Variants in GALK2 observed in about 807,000 individuals in gnomAD.
The protein encoded by GALK2 is N-acetylgalactosamine kinase.
In GALK2, 36 loss-of-function variants were observed where a neutral mutation model predicts 52.4. That is an observed-to-expected ratio of 0.69 (90% confidence interval 0.53 to 0.91). The LOEUF (loss-of-function observed/expected upper bound fraction) is 0.91. Among genes scored for constraint, GALK2 ranks in the 40% least tolerant of loss-of-function variants. The pLI, the probability that GALK2 is intolerant of heterozygous loss-of-function variation, is 0.00. For synonymous variants in GALK2, 176 were observed against 199.1 expected (o/e 0.88, Z 0.98); for missense variants, 579 against 559.1 (o/e 1.04, Z -0.36).
At chr15:49,238,896 C>T (rs2090960967) in intron 4 of GALK2, among the ~76,000 whole-genome samples, 1 of 151,976 alleles carries the variant, frequency 6.6e-6, no homozygotes, top group South Asian at 2.1e-4. Flanking sequence ...TATATTTTTT[C>T]CATATTTGTT....
chr15:49,308,640 C>T (rs1218305167), intron 8 of GALK2, among the ~76,000 whole-genome samples: 2 of 152,132 alleles, frequency 1.3e-5, no homozygotes, highest in African/African-American at 4.8e-5. Flanking sequence ...GAGAAACTCG[C>T]TGCATAAAGA....
intron 3 of GALK2, among the ~76,000 whole-genome samples, chr15:49,360,859 A>T (rs909696596): frequency 1.3e-5 from 2 of 152,032 alleles, no homozygotes; most frequent in African/African-American, 2.4e-5. Context: ...AGACATAAGC[A>T]CTCCTGTGAT....
At chr15:49,248,402 C>T (rs1457759166) in intron 5 of GALK2, among the ~76,000 whole-genome samples, 1 of 152,132 alleles carries the variant, frequency 6.6e-6, no homozygotes, top group Non-Finnish European at 1.5e-5. Flanking sequence ...ACCATTCCAG[C>T]CAGATGTTGA....
At chr15:49,282,126 G>A in intron 6 of GALK2, 41 bp downstream of exon 6, 4 of 1,481,458 alleles carry the variant, frequency 2.7e-6, no homozygotes, top group Non-Finnish European at 3.8e-6. Flanking sequence ...GAAATTCCTA[G>A]TGGGAAAATT....
In GALK2 at chr15:49,329,309, A is replaced by C; in HGVS notation, c.*1150A>C. ...ACTGGCTTTCTCTTGTGGATGGACT[A>C]TAGGAAGCACTTTCTGAATTATGTA... On this transcript the variant is annotated 3_prime_UTR_variant, in exon 10 of 10. Coordinates refer to ENST00000560031, the MANE Select transcript of GALK2 (RefSeq NM_002044.4). 1 of 985,472 alleles carries C rather than the reference A, an allele frequency of 1.0e-6. No homozygotes were observed. Among genetic ancestry groups the C allele is most frequent in the Non-Finnish European group, 1.2e-6 (1 of 829,942 alleles). 61.0% of individuals were successfully genotyped at this position (985,472 alleles called of 1,614,324 possible). A position where few individuals can be genotyped will look rare whatever the true frequency, so the allele number is the denominator to read the frequency against.
At chr15:49,305,530 G>A (rs2035478059) in intron 8 of GALK2, among the ~76,000 whole-genome samples, 1 of 152,174 alleles carries the variant, frequency 6.6e-6, no homozygotes, top group Non-Finnish European at 1.5e-5. Context: ...AAGGGCCACT[G>A]ATGGAACAGT....
chr15:49,156,108 G>C, intron 1 of GALK2: 1 of 1,229,834 alleles, frequency 8.1e-7, no homozygotes, highest in Non-Finnish European at 1.2e-6. Flanking sequence ...CAGCAACACA[G>C]TTTACACTTA....
intron 5 of GALK2, among the ~76,000 whole-genome samples, chr15:49,274,254 AGTC>A (rs745653513): frequency 1.3e-5 from 2 of 152,330 alleles, no homozygotes; most frequent in Non-Finnish European, 2.9e-5. Context: ...CTACACACCT[AGTC>A]TATATGGTAC....
intron 5 of GALK2, among the ~76,000 whole-genome samples, chr15:49,278,739 C>T: frequency 6.6e-6 from 1 of 151,206 alleles, no homozygotes; most frequent in Non-Finnish European, 1.5e-5. Context: ...GCTAATAAAC[C>T]CACTCAGTTT....
chr15:49,288,008 C>T (rs1007667063), intron 7 of GALK2, among the ~76,000 whole-genome samples: 43 of 152,142 alleles, frequency 2.8e-4, no homozygotes, highest in African/African-American at 1.0e-3. Context: ...CATAAAAAGT[C>T]AGAGCCTTGT....
chr15:49,295,209 G>A (rs1214203155), intron 8 of GALK2, among the ~76,000 whole-genome samples: 1 of 151,574 alleles, frequency 6.6e-6, no homozygotes, highest in Non-Finnish European at 1.5e-5. Flanking sequence ...AAGGGAAGAA[G>A]AAAAGAAATA....
intron 8 of GALK2, among the ~76,000 whole-genome samples, chr15:49,303,561 A>T (rs2035296136): frequency 6.6e-6 from 1 of 152,204 alleles, no homozygotes; most frequent in Admixed American, 6.6e-5. Flanking sequence ...AAGCATGAAA[A>T]ATACATGTCT....
intron 2 of GALK2, among the ~76,000 whole-genome samples, chr15:49,205,041 T>TA (rs1441463624): frequency 1.3e-5 from 2 of 152,236 alleles, no homozygotes; most frequent in African/African-American, 4.8e-5. Context: ...CATTCCTTTT[T>TA]ATGGCTGCAT....
intron 8 of GALK2, among the ~76,000 whole-genome samples, chr15:49,292,813 A>T (rs1319777603): frequency 6.6e-6 from 1 of 151,148 alleles, no homozygotes; most frequent in Non-Finnish European, 1.5e-5. Flanking sequence ...TCCCTTATCC[A>T]TTTTTTTCTG....
intron 1 of GALK2, among the ~76,000 whole-genome samples, chr15:49,171,018 C>T (rs8029538): frequency 1.5e-5 from 2 of 133,666 alleles, no homozygotes; most frequent in Non-Finnish European, 3.1e-5. Context: ...TTTCCTGACT[C>T]TCTGCTTTTG....
At chr15:49,228,928 C>G (rs1454443161) in intron 3 of GALK2, among the ~76,000 whole-genome samples, 1 of 151,562 alleles carries the variant, frequency 6.6e-6, no homozygotes, top group African/African-American at 2.4e-5. Flanking sequence ...CTGCTGACCT[C>G]AAGTGATCTG....
chr15:49,199,227 G>A (rs1396642083), intron 1 of GALK2: 20 of 152,060 alleles, frequency 1.3e-4, no homozygotes, highest in Admixed American at 1.3e-3. Context: ...ACTATGTTTT[G>A]TAGTTCACTA....
chr15:49,178,937 C>T (rs1024692236), intron 1 of GALK2, among the ~76,000 whole-genome samples: 2 of 152,154 alleles, frequency 1.3e-5, no homozygotes, highest in Non-Finnish European at 2.9e-5. Flanking sequence ...CACTTTCCTT[C>T]AGCTTCTTGC....
intron 5 of GALK2, among the ~76,000 whole-genome samples, chr15:49,254,824 C>G (rs1160207117): frequency 6.9e-6 from 1 of 144,262 alleles, no homozygotes; most frequent in Non-Finnish European, 1.6e-5. Context: ...TTACATCTCT[C>G]ACACACACAT....
Sources: allele counts gnomAD v4.1 joint callset (sites outside exome capture counted in the v4.1 genomes callset), GRCh38; gene constraint gnomAD v4.1.1; transcripts MANE v1.5; gene names NCBI Gene and HGNC (gene_info 2026-07-23, HGNC 2026-07-21).